Variants in PKNOX2 observed in about 807,000 individuals in gnomAD.
PKNOX2 encodes the protein homeobox protein PKNOX2.
Under a neutral mutation model 53.1 loss-of-function variants are expected in PKNOX2, and 14 were observed. The ratio of observed to expected loss-of-function variants is 0.26; its 90% CI spans 0.17 to 0.41. PKNOX2 has a LOEUF of 0.41. Among genes scored for constraint, PKNOX2 ranks in the 10% least tolerant of loss-of-function variants. PKNOX2 has a pLI of 1.00. For synonymous variants in PKNOX2, 257 were observed against 242.8 expected, an observed-to-expected ratio of 1.06 and a Z score of -0.54; for missense variants, 496 against 602.8, an observed-to-expected ratio of 0.82 and a Z score of 1.85.
intron 2 of PKNOX2, among the ~76,000 whole-genome samples, chr11:125,278,038 A>C (rs1946296376): frequency 6.6e-6 from 1 of 151,960 alleles, no homozygotes. Flanking sequence ...GCAACATGGC[A>C]AAACCCCATT....
chr11:125,207,106 G>A (rs1939213450), intron 1 of PKNOX2, among the ~76,000 whole-genome samples: 1 of 151,736 alleles, frequency 6.6e-6, no homozygotes, highest in Non-Finnish European at 1.5e-5. Context: ...TCCAAGTTTT[G>A]ACCTCATTCT....
intron 2 of PKNOX2, among the ~76,000 whole-genome samples, chr11:125,239,002 G>T (rs10893352): frequency 0.13 from 19,438 of 152,098 alleles, 2,578 homozygotes; most frequent in East Asian, 0.38. Context: ...GACTCACTGC[G>T]ATCCAGCATG....
At chr11:125,303,953 C>T (rs10893364) in intron 2 of PKNOX2, among the ~76,000 whole-genome samples, 16,968 of 152,240 alleles carry the variant, frequency 0.11, 1,341 homozygotes, top group East Asian at 0.33. Context: ...GATGCATGGC[C>T]GGCCTGAGCT....
At chr11:125,387,254 G>A (rs1223377342) in intron 6 of PKNOX2, among the ~76,000 whole-genome samples, 1 of 152,224 alleles carries the variant, frequency 6.6e-6, no homozygotes, top group Non-Finnish European at 1.5e-5. Flanking sequence ...ATTTCTGTAG[G>A]AGCTGGGATG....
chr11:125,297,624 CG>C (rs1359225087), intron 2 of PKNOX2, among the ~76,000 whole-genome samples: 3 of 152,190 alleles, frequency 2.0e-5, no homozygotes, highest in Admixed American at 6.5e-5. Context: ...ACTAAGCTCT[CG>C]TACCTGGTGT....
At chr11:125,278,663 G>A (rs1565486342) in intron 2 of PKNOX2, among the ~76,000 whole-genome samples, 1 of 152,190 alleles carries the variant, frequency 6.6e-6, no homozygotes, top group Non-Finnish European at 1.5e-5. Flanking sequence ...TACAATTGAT[G>A]AGTGAATATC....
At chr11:125,318,456 G>A (rs112800379) in intron 2 of PKNOX2, among the ~76,000 whole-genome samples, 2,684 of 151,988 alleles carry the variant, frequency 0.018, 84 homozygotes, top group African/African-American at 0.061. Flanking sequence ...ACCTCTCTCC[G>A]CCTTCATAGA....
At chr11:125,173,292 T>C (rs1181634070) in intron 1 of PKNOX2, among the ~76,000 whole-genome samples, 7 of 152,220 alleles carry the variant, frequency 4.6e-5, no homozygotes, top group Admixed American at 6.5e-5. Flanking sequence ...GTGAAGCAGG[T>C]AAAATGGGCA....
At chr11:125,341,049 C>CAAAAAA (rs58556639) in intron 3 of PKNOX2, among the ~76,000 whole-genome samples, 7 of 46,046 alleles carry the variant, frequency 1.5e-4, no homozygotes, top group East Asian at 6.3e-4. Flanking sequence ...GACTCCATCT[C>CAAAAAA]AAAAAAAAAA....
At chr11:125,418,339 T>C (rs1565521702) in intron 10 of PKNOX2, among the ~76,000 whole-genome samples, 1 of 152,104 alleles carries the variant, frequency 6.6e-6, no homozygotes, top group East Asian at 1.9e-4. Context: ...TTTTGTTTAT[T>C]CATTTATCAG....
At chr11:125,219,300 T>TG (rs1940883129) in intron 1 of PKNOX2, among the ~76,000 whole-genome samples, 1 of 151,360 alleles carries the variant, frequency 6.6e-6, no homozygotes, top group South Asian at 2.1e-4. Context: ...TAGCTGGAGG[T>TG]GGTGGCGCAC....
chr11:125,259,549 C>T (rs1591500792), intron 2 of PKNOX2, among the ~76,000 whole-genome samples: 1 of 152,176 alleles, frequency 6.6e-6, no homozygotes, highest in East Asian at 1.9e-4. Context: ...CCCAGGCTTC[C>T]ACACCACTGA....
chr11:125,241,910 G>T (rs1943178254), intron 2 of PKNOX2, among the ~76,000 whole-genome samples: 1 of 152,098 alleles, frequency 6.6e-6, no homozygotes, highest in African/African-American at 2.4e-5. Flanking sequence ...AAGGATGAAG[G>T]ATGAATGTAT....
chr11:125,270,642 T>C (rs751725051), intron 2 of PKNOX2, among the ~76,000 whole-genome samples: 33 of 152,218 alleles, frequency 2.2e-4, no homozygotes, highest in Non-Finnish European at 4.3e-4. Context: ...ATTGATTTTG[T>C]AGTTAGCAAT....
intron 1 of PKNOX2, among the ~76,000 whole-genome samples, chr11:125,210,561 A>G (rs1046511593): frequency 6.6e-6 from 1 of 152,126 alleles, no homozygotes; most frequent in African/African-American, 2.4e-5. Flanking sequence ...GCTCCCTCTG[A>G]GAAAACTCCG....
chr11:125,289,291 A>G (rs1489116473), intron 2 of PKNOX2, among the ~76,000 whole-genome samples: 1 of 152,202 alleles, frequency 6.6e-6, no homozygotes, highest in Non-Finnish European at 1.5e-5. Context: ...GCCACATGCT[A>G]TAGTAGGATA....
intron 2 of PKNOX2, among the ~76,000 whole-genome samples, chr11:125,282,687 G>A (rs1195228843): frequency 6.6e-6 from 1 of 152,232 alleles, no homozygotes; most frequent in Non-Finnish European, 1.5e-5. Context: ...GTTTACCAAA[G>A]CTTCCAAGTG....
Position 125,271,089 on chromosome 11 carries a change from A to AT in PKNOX2, c.-130+35977dup, listed in dbSNP as rs1945758821. On this transcript the variant is annotated intron_variant, in intron 2 of 12. Transcript: ENST00000298282. ...TGGGGGCTGATGATCCTGTCTGTGG[A>AT]TTTGGAGGGAAGATGTTTGAATGAT... Among the ~76,000 whole-genome samples the AT allele has an allele frequency of 2.0e-5, 3 of 151,996 alleles. No homozygotes were observed. The South Asian group carries it at 6.2e-4, about 32-fold the overall frequency.
At chr11:125,251,349 C>T (rs886631892) in intron 2 of PKNOX2, among the ~76,000 whole-genome samples, 2 of 152,178 alleles carry the variant, frequency 1.3e-5, no homozygotes, top group Non-Finnish European at 2.9e-5. Flanking sequence ...AACAATTGCG[C>T]TAAATGAGGT....
Sources: gnomAD v4.1 joint callset for allele counts (sites outside exome capture counted in the v4.1 genomes callset) on GRCh38, gnomAD v4.1.1 for gene constraint, MANE v1.5 for transcripts, NCBI Gene and HGNC (gene_info 2026-07-23, HGNC 2026-07-21) for gene names.